The following RIC1 variants were observed in gnomAD, a reference collection of about 807,000 sequenced individuals.
RIC1 encodes the protein guanine nucleotide exchange factor subunit RIC1.
A neutral mutation model predicts 169.0 loss-of-function variants in RIC1; 88 were observed. That is an observed-to-expected ratio of 0.52 (90% confidence interval 0.44 to 0.62). The LOEUF is 0.62. Among genes scored for constraint, RIC1 ranks in the 20% least tolerant of loss-of-function variants. The pLI, the probability that RIC1 is intolerant of heterozygous loss-of-function variation, is 0.00. For synonymous variants in RIC1, 790 were observed against 601.5 expected (o/e 1.31, Z -4.59); for missense variants, 1,877 against 1,725.5 (o/e 1.09, Z -1.56).
intron 4 of RIC1, among the ~76,000 whole-genome samples, chr9:5,718,511 A>C (rs1281599817): frequency 6.6e-6 from 1 of 152,196 alleles, no homozygotes; most frequent in Non-Finnish European, 1.5e-5. Context: ...TCAGAGAAAG[A>C]AAGATGACAG....
At chr9:5,734,987 A>G (rs1169499979) in intron 7 of RIC1, among the ~76,000 whole-genome samples, 1 of 152,184 alleles carries the variant, frequency 6.6e-6, no homozygotes, top group Non-Finnish European at 1.5e-5. Flanking sequence ...TTATATGCAA[A>G]TTAACCCAGT....
chr9:5,660,816 A>C (rs947918707), intron 2 of RIC1, among the ~76,000 whole-genome samples: 1 of 152,074 alleles, frequency 6.6e-6, no homozygotes, highest in Non-Finnish European at 1.5e-5. Flanking sequence ...GCTCACTCCA[A>C]TGATAGTTTC....
In RIC1 at chr9:5,775,973, C is replaced by T. The variant is rs1827561223; in HGVS notation, c.*1727C>T. 2 of 152,122 alleles carry T rather than the reference C, an allele frequency of 1.3e-5. No individual in the cohort carries two copies. Among genetic ancestry groups the T allele is most frequent in the South Asian group, 4.1e-4 (2 of 4,830 alleles). The allele number at this position is 152,122 out of a possible 1,614,324, so 9.4% of individuals were successfully genotyped here. On this transcript the variant is annotated 3_prime_UTR_variant, in exon 26 of 26. Transcript: ENST00000414202. ...AAGAAACTAAACTGAACTCTCTTCT[C>T]CTATCCTAGTCCATTAAGGAGAAGA...
intron 2 of RIC1, among the ~76,000 whole-genome samples, chr9:5,672,461 T>C (rs989420792): frequency 7.9e-5 from 12 of 152,170 alleles, no homozygotes; most frequent in African/African-American, 2.9e-4. Context: ...ACAGATGAAC[T>C]GATAAATAAC....
chr9:5,728,970 T>G (rs560395233), intron 6 of RIC1, among the ~76,000 whole-genome samples: 1 of 152,200 alleles, frequency 6.6e-6, no homozygotes, highest in Non-Finnish European at 1.5e-5. Context: ...AGTTATTTAC[T>G]TGGGGGTCCT....
At chr9:5,716,096 G>A (rs553471479) in intron 4 of RIC1, among the ~76,000 whole-genome samples, 162 of 151,922 alleles carry the variant, frequency 1.1e-3, no homozygotes, top group African/African-American at 3.5e-3. Context: ...TCCCCTCCTT[G>A]GCCTCTCAAA....
chr9:5,656,286 G>A (rs1473938401), intron 1 of RIC1, among the ~76,000 whole-genome samples: 1 of 152,122 alleles, frequency 6.6e-6, no homozygotes, highest in Non-Finnish European at 1.5e-5. Flanking sequence ...AAGAATTGGT[G>A]TAATTTCTCC....
intron 17 of RIC1, among the ~76,000 whole-genome samples, chr9:5,761,449 A>G (rs1331997087): frequency 6.6e-6 from 1 of 152,076 alleles, no homozygotes. Context: ...TGATGCTGGT[A>G]CAGTCGTCTC....
chr9:5,667,722 C>A (rs1819860978), intron 2 of RIC1, among the ~76,000 whole-genome samples: 2 of 152,066 alleles, frequency 1.3e-5, no homozygotes, highest in Admixed American at 6.6e-5. Flanking sequence ...CCAGGCTGGT[C>A]TCAAACTCCT....
chr9:5,744,541 C>T (rs902485690), intron 10 of RIC1, among the ~76,000 whole-genome samples: 1 of 152,082 alleles, frequency 6.6e-6, no homozygotes, highest in Admixed American at 6.6e-5. Context: ...GGGGATGGGA[C>T]TCAAGTCTAA....
At position 5,732,336 on chromosome 9, in the gene RIC1, G is replaced by A. The variant is rs368966763; in HGVS notation, c.721-52G>A. 6.7e-6 allele frequency: 9 copies of A among 1,337,948 alleles called. No individual in the cohort carries two copies. The East Asian group carries it at 7.0e-5, about 10-fold the overall frequency. The allele number at this position is 1,337,948 out of a possible 1,614,324, so 82.9% of individuals were successfully genotyped here. A position where few individuals can be genotyped will look rare whatever the true frequency, so the allele number is the denominator to read the frequency against. On this transcript the variant is annotated intron_variant, in intron 6 of 25. Transcript: ENST00000414202. ...ATTGAAGGAGAATTATATTGACTAC[G>A]GTAAATTTGGAGAAACACTTTTTAA...
At chr9:5,649,054 G>T (rs1166634831) in intron 1 of RIC1, among the ~76,000 whole-genome samples, 3 of 152,040 alleles carry the variant, frequency 2.0e-5, no homozygotes, top group African/African-American at 7.3e-5. Context: ...AGAATCATTT[G>T]AGCCAGGGAG....
Position 5,629,122 on chromosome 9 carries a change from A to C in RIC1, c.-188A>C. 4 of 389,994 alleles carry C rather than the reference A, an allele frequency of 1.0e-5. No individual in the cohort carries two copies. The highest frequency in any genetic ancestry group is 2.1e-5 in the African/African-American group (1 of 47,098). 24.2% of individuals were successfully genotyped at this position (389,994 alleles called of 1,614,324 possible). A position where few individuals can be genotyped will look rare whatever the true frequency, so the allele number is the denominator to read the frequency against. ...TCCCTCCCCCACACTCGGCCCCGTC[A>C]GCTTGGGGGTGCCTTCGTCGCGCAG... On this transcript the variant is annotated 5_prime_UTR_variant, in exon 1 of 26. Transcript: ENST00000414202.
At chr9:5,760,511 C>A (rs1394693431) in intron 17 of RIC1, among the ~76,000 whole-genome samples, 1 of 152,148 alleles carries the variant, frequency 6.6e-6, no homozygotes, top group Non-Finnish European at 1.5e-5. Context: ...TGGTGAATTA[C>A]AGTAAATGCC....
intron 3 of RIC1, among the ~76,000 whole-genome samples, chr9:5,704,850 T>C (rs1233452187): frequency 4.6e-5 from 7 of 152,194 alleles, no homozygotes; most frequent in Admixed American, 1.3e-4. Context: ...TTTTTACTTA[T>C]GATGTGAGAT....
At chr9:5,750,404 A>G (rs967461912) in intron 12 of RIC1, among the ~76,000 whole-genome samples, 1 of 151,828 alleles carries the variant, frequency 6.6e-6, no homozygotes, top group Non-Finnish European at 1.5e-5. Context: ...CCTACAGGGT[A>G]TCAGGCACTA....
intron 3 of RIC1, among the ~76,000 whole-genome samples, chr9:5,698,086 C>G (rs1822009153): frequency 6.6e-6 from 1 of 152,172 alleles, no homozygotes; most frequent in South Asian, 2.1e-4. Flanking sequence ...CACCCCAAAT[C>G]TATTAGGTTA....
At chr9:5,726,547 A>G (rs1254662034) in intron 6 of RIC1, among the ~76,000 whole-genome samples, 1 of 152,128 alleles carries the variant, frequency 6.6e-6, no homozygotes, top group Admixed American at 6.5e-5. Flanking sequence ...CATTTAGTCC[A>G]TTTACATTTA....
At chr9:5,701,656 A>G (rs1284928711) in intron 3 of RIC1, among the ~76,000 whole-genome samples, 2 of 151,742 alleles carry the variant, frequency 1.3e-5, no homozygotes, top group African/African-American at 2.4e-5. Context: ...TTTGTTTTCT[A>G]TCCATCTTCC....
Sources: allele counts gnomAD v4.1 joint callset (sites outside exome capture counted in the v4.1 genomes callset), GRCh38; gene constraint gnomAD v4.1.1; transcripts MANE v1.5; gene names NCBI Gene and HGNC (gene_info 2026-07-23, HGNC 2026-07-21).